The following PLCL1 variants were observed in gnomAD, a reference collection of about 807,000 sequenced individuals.
PLCL1 encodes the protein inactive phospholipase C-like protein 1.
Under a neutral mutation model 84.4 loss-of-function variants are expected in PLCL1, and 41 were observed. The ratio of observed to expected loss-of-function variants is 0.49; its 90% CI spans 0.38 to 0.63. The LOEUF (loss-of-function observed/expected upper bound fraction) is 0.63. PLCL1 is among the 30% of genes least tolerant of loss of function. The pLI, the probability that PLCL1 is intolerant of heterozygous loss-of-function variation, is 0.00. For missense variants in PLCL1, 1,206 were observed against 1,367.8 expected, an observed-to-expected ratio of 0.88 and a Z score of 1.87; for synonymous variants, 490 against 488.3, an observed-to-expected ratio of 1.00 and a Z score of -0.05.
At chr2:198,106,760 C>T (rs904904587) in intron 5 of PLCL1, among the ~76,000 whole-genome samples, 2 of 151,842 alleles carry the variant, frequency 1.3e-5, no homozygotes, top group African/African-American at 4.8e-5. Context: ...ATGTACATTT[C>T]CCCTTTCTTC....
rs537636748 is a variant in PLCL1, at chr2:197,898,607, C to G, written c.240+93268C>G. On this transcript the variant is annotated intron_variant, in intron 1 of 5. Coordinates refer to ENST00000428675, the MANE Select transcript of PLCL1 (RefSeq NM_006226.4). ...AGAACCCTCATGTTTTGCCCTTCTT[C>G]TATCTGACAAGTACCTGTTCATCCT... Among the ~76,000 whole-genome samples, 21 of 151,780 alleles carry G rather than the reference C, an allele frequency of 1.4e-4. No homozygotes were observed. The South Asian group carries it at 4.2e-3, about 30-fold the overall frequency.
At chr2:197,907,453 G>T (rs928391730) in intron 1 of PLCL1, among the ~76,000 whole-genome samples, 1 of 152,112 alleles carries the variant, frequency 6.6e-6, no homozygotes, top group African/African-American at 2.4e-5. Context: ...GGCCAGGCTG[G>T]TCTTGAACTC....
rs143998556 is a variant in PLCL1 at position 197,970,093 on chromosome 2, C to T, written c.241-113665C>T. Among the ~76,000 whole-genome samples the T allele has an allele frequency of 7.0e-3, 1,059 of 152,182 alleles. 11 individuals carry two copies. The highest frequency in any genetic ancestry group is 7.8e-3 in the Non-Finnish European group (533 of 68,020). The stretch of plus-strand genomic sequence containing the variant: ...CTTATTTCATTTTCTGTTGCTGTAA[C>T]GGAATACTCAAGACCGAGTAATTTA... On this transcript the variant is annotated intron_variant, in intron 1 of 5. Transcript: ENST00000428675.
chr2:197,996,837 A>G (rs576083373), intron 1 of PLCL1, among the ~76,000 whole-genome samples: 2 of 152,276 alleles, frequency 1.3e-5, no homozygotes, highest in South Asian at 4.1e-4. Context: ...TAGTAAAGCA[A>G]CCCAAATTGC....
chr2:197,831,925 A>G (rs1691076777), intron 1 of PLCL1, among the ~76,000 whole-genome samples: 1 of 152,226 alleles, frequency 6.6e-6, no homozygotes, highest in South Asian at 2.1e-4. Flanking sequence ...TAACAAAATT[A>G]AGGCAGAAAT....
intron 5 of PLCL1, among the ~76,000 whole-genome samples, chr2:198,115,850 G>C (rs563476896): frequency 6.6e-6 from 1 of 150,586 alleles, no homozygotes; most frequent in African/African-American, 2.4e-5. Context: ...TGACACGTGG[G>C]GATTATTACA....
intron 5 of PLCL1, among the ~76,000 whole-genome samples, chr2:198,138,071 T>C (rs1574339639): frequency 6.6e-6 from 1 of 152,334 alleles, no homozygotes; most frequent in East Asian, 1.9e-4. Flanking sequence ...CCTGCAAGAT[T>C]TCTGTTAAGT....
chr2:197,847,220 C>A (rs1311789195), intron 1 of PLCL1, among the ~76,000 whole-genome samples: 1 of 152,044 alleles, frequency 6.6e-6, no homozygotes, highest in Admixed American at 6.6e-5. Context: ...CATTATTAAA[C>A]CTATGCAACC....
chr2:198,033,812 C>T (rs1192035935), intron 1 of PLCL1, among the ~76,000 whole-genome samples: 1 of 152,122 alleles, frequency 6.6e-6, no homozygotes, highest in Non-Finnish European at 1.5e-5. Flanking sequence ...CTGGCTATTT[C>T]CTAAGATTCT....
rs190883886 is a variant in PLCL1 at position 198,071,947 on chromosome 2, G to A, written c.241-11811G>A. On this transcript the variant is annotated intron_variant, in intron 1 of 5. Transcript: ENST00000428675. ...TTTTGTTCAAATGAATACTCAATTC[G>A]TTAACACTAATAATTGAATAATGTA... 1.5e-3 allele frequency among the ~76,000 whole-genome samples: 221 copies of A among 151,680 alleles called. 2 individuals carry two copies. The highest frequency in any genetic ancestry group is 6.6e-4 in the Non-Finnish European group (45 of 67,732).
At chr2:197,829,321 T>C (rs1401601893) in intron 1 of PLCL1, among the ~76,000 whole-genome samples, 1 of 152,178 alleles carries the variant, frequency 6.6e-6, no homozygotes, top group Non-Finnish European at 1.5e-5. Flanking sequence ...TAAATCATAT[T>C]TGAAGCTAGT....
At chr2:198,107,138 A>G (rs1461982525) in intron 5 of PLCL1, among the ~76,000 whole-genome samples, 2 of 151,926 alleles carry the variant, frequency 1.3e-5, no homozygotes, top group African/African-American at 4.8e-5. Context: ...GGAAGCAAAC[A>G]TGTCCTTTTT....
chr2:197,809,809 A>AGTGT lies in PLCL1; in HGVS notation c.240+4499_240+4502dup, dbSNP rs3056067. Reference sequence around the variant, plus strand: ...GGGAATCTTCTTTTGGAGCTCTGAAAGTGTGTGTGTGTGTGTGTGTGTGTG... The same window carrying AGTGT: ...GGGAATCTTCTTTTGGAGCTCTGAAAGTGTGTGTGTGTGTGTGTGTGTGTGTGTG... On this transcript the variant is annotated intron_variant, in intron 1 of 5. Coordinates refer to ENST00000428675, the MANE Select transcript of PLCL1 (RefSeq NM_006226.4). Among the ~76,000 whole-genome samples, 102 of 146,650 alleles carry AGTGT rather than the reference A, an allele frequency of 7.0e-4. 1 individual carries two copies. The highest frequency in any genetic ancestry group is 3.8e-3 in the East Asian group (19 of 5,016).
intron 1 of PLCL1, among the ~76,000 whole-genome samples, chr2:197,827,169 C>A (rs1048156715): frequency 6.6e-5 from 10 of 152,094 alleles, no homozygotes; most frequent in African/African-American, 2.4e-4. Context: ...AATGGCAAAT[C>A]CAACTGCATC....
intron 1 of PLCL1, among the ~76,000 whole-genome samples, chr2:197,841,250 C>T (rs1050216640): frequency 6.6e-6 from 1 of 152,038 alleles, no homozygotes; most frequent in African/African-American, 2.4e-5. Flanking sequence ...TAGTTTAAAT[C>T]AGGGTTCACC....
intron 1 of PLCL1, among the ~76,000 whole-genome samples, chr2:198,032,783 C>A (rs1317658921): frequency 6.6e-6 from 1 of 152,050 alleles, no homozygotes; most frequent in Non-Finnish European, 1.5e-5. Context: ...CTACAAAGAG[C>A]TTTGTAAAAG....
At chr2:198,132,745 T>G (rs1431681992) in intron 5 of PLCL1, among the ~76,000 whole-genome samples, 1 of 151,956 alleles carries the variant, frequency 6.6e-6, no homozygotes, top group Non-Finnish European at 1.5e-5. Flanking sequence ...GTCAGATGAG[T>G]AGGTTGCGAA....
rs183932510 is a variant in PLCL1, at chr2:197,855,489, A to T, written c.240+50150A>T. Among the ~76,000 whole-genome samples, 151 of 152,178 alleles carry T rather than the reference A, an allele frequency of 9.9e-4. 1 individual carries two copies. The highest frequency in any genetic ancestry group is 3.5e-3 in the African/African-American group (146 of 41,516). Reference sequence around the variant, plus strand: ...CCTTTTTCTTGTTCCTTGTGACCAAAATTCTGCACTATCACTTTCTTTCCA... The same window carrying T: ...CCTTTTTCTTGTTCCTTGTGACCAATATTCTGCACTATCACTTTCTTTCCA... On this transcript the variant is annotated intron_variant, in intron 1 of 5. Coordinates refer to ENST00000428675, the MANE Select transcript of PLCL1 (RefSeq NM_006226.4).
chr2:197,921,498 G>A (rs1339367365), intron 1 of PLCL1, among the ~76,000 whole-genome samples: 3 of 152,084 alleles, frequency 2.0e-5, no homozygotes, highest in African/African-American at 7.2e-5. Flanking sequence ...GCGGATATAA[G>A]CTTTTATAGT....
Sources: gnomAD v4.1 joint callset for allele counts (sites outside exome capture counted in the v4.1 genomes callset) on GRCh38, gnomAD v4.1.1 for gene constraint, MANE v1.5 for transcripts, NCBI Gene and HGNC (gene_info 2026-07-23, HGNC 2026-07-21) for gene names.